VPS13B: variants seen among roughly 807,000 people sequenced by gnomAD.
VPS13B encodes the protein vacuolar protein sorting 13 homolog B.
In VPS13B, 285 loss-of-function variants were observed where a neutral mutation model predicts 426.4. The ratio of observed to expected loss-of-function variants is 0.67; its 90% confidence interval spans 0.61 to 0.74. The LOEUF (loss-of-function observed/expected upper bound fraction) is 0.74. Ranked by LOEUF, VPS13B falls within the 30% of genes least tolerant of loss-of-function variation. VPS13B has a pLI of 0.00. For missense variants in VPS13B, 4,537 were observed against 4,782.6 expected (o/e 0.95, Z 1.51); for synonymous variants, 1,676 against 1,676.4 (o/e 1.00, Z 0.01).
At chr8:99,624,007 ATTTTT>A (rs1165382455) in intron 33 of VPS13B, among the ~76,000 whole-genome samples, 6 of 101,100 alleles carry the variant, frequency 5.9e-5, no homozygotes, top group African/African-American at 8.8e-5. Flanking sequence ...ATATATATAT[ATTTTT>A]TTTTTTTTTT....
At position 99,397,292 on chromosome 8, in the gene VPS13B, C is replaced by A. The variant is rs192951129; in HGVS notation, c.3082+5588C>A. Among the ~76,000 whole-genome samples, 15 of 152,204 alleles carry A rather than the reference C, an allele frequency of 9.9e-5. No individual in the cohort carries two copies. In the East Asian group the frequency reaches 2.9e-3, roughly 30 times the overall value. On this transcript the variant is annotated intron_variant, in intron 21 of 61. Coordinates refer to ENST00000357162, the MANE Select transcript of VPS13B (RefSeq NM_152564.5). ...TCTTGAGTAGCTGGGACTACAGGCA[C>A]GTGCCACATGCCCAGCTAATTTTTG...
At chr8:99,499,799 A>G (rs771551407) in intron 25 of VPS13B, among the ~76,000 whole-genome samples, 14 of 152,154 alleles carry the variant, frequency 9.2e-5, no homozygotes, top group Non-Finnish European at 1.9e-4. Flanking sequence ...GTTTAACTCT[A>G]TAATTTTCTC....
At chr8:99,822,994 C>G (rs918843458) in intron 50 of VPS13B, among the ~76,000 whole-genome samples, 1 of 152,078 alleles carries the variant, frequency 6.6e-6, no homozygotes, top group Non-Finnish European at 1.5e-5. Context: ...CTGTGGGTCC[C>G]CAGACCACCC....
At chr8:99,714,160 C>T (rs938645691) in intron 36 of VPS13B, among the ~76,000 whole-genome samples, 11 of 144,736 alleles carry the variant, frequency 7.6e-5, no homozygotes, top group African/African-American at 2.8e-4. Context: ...AAAAAAAAGA[C>T]AGGCATATAC....
intron 11 of VPS13B, 135 bp from the exon 12 acceptor site, chr8:99,136,530 A>C (rs1329549228): frequency 2.5e-5 from 21 of 852,490 alleles, no homozygotes; most frequent in Non-Finnish European, 3.8e-5. Flanking sequence ...AATTCTTGGA[A>C]TAACCTCTGT....
chr8:99,583,890 G>C (rs1291668505), intron 33 of VPS13B, among the ~76,000 whole-genome samples: 4 of 152,106 alleles, frequency 2.6e-5, no homozygotes, highest in African/African-American at 9.7e-5. Context: ...TCTTGAGGTA[G>C]TCATGAATGG....
intron 19 of VPS13B, among the ~76,000 whole-genome samples, chr8:99,294,511 G>T (rs898385635): frequency 1.3e-5 from 2 of 149,876 alleles, no homozygotes; most frequent in African/African-American, 4.9e-5. Context: ...TGCACAATGT[G>T]CACATGTACC....
intron 2 of VPS13B, among the ~76,000 whole-genome samples, chr8:99,027,917 A>T (rs1842221485): frequency 6.6e-6 from 1 of 152,192 alleles, no homozygotes; most frequent in Admixed American, 6.5e-5. Context: ...GTCCCTGGGT[A>T]CTTAAGATTA....
chr8:99,722,704 T>C (rs976211411), intron 39 of VPS13B, among the ~76,000 whole-genome samples: 40 of 152,102 alleles, frequency 2.6e-4, no homozygotes, highest in Non-Finnish European at 4.0e-4. Context: ...AGATGGGGTT[T>C]CACCATGTTA....
intron 39 of VPS13B, among the ~76,000 whole-genome samples, chr8:99,725,952 G>A (rs1220983679): frequency 6.6e-6 from 1 of 152,122 alleles, no homozygotes; most frequent in Admixed American, 6.5e-5. Flanking sequence ...ATTGAGTTTA[G>A]ATGACTTTTT....
At chr8:99,260,596 T>A (rs909215539) in intron 17 of VPS13B, among the ~76,000 whole-genome samples, 5 of 152,058 alleles carry the variant, frequency 3.3e-5, no homozygotes, top group Non-Finnish European at 7.4e-5. Context: ...TGTATTAACC[T>A]ATTTGCAATA....
chr8:99,054,965 A>G (rs1408957003), intron 3 of VPS13B, among the ~76,000 whole-genome samples: 1 of 151,726 alleles, frequency 6.6e-6, no homozygotes, highest in Non-Finnish European at 1.5e-5. Flanking sequence ...AAGCCTGAAC[A>G]ACACTATTTT....
intron 19 of VPS13B, among the ~76,000 whole-genome samples, chr8:99,313,617 G>A (rs950312543): frequency 6.6e-6 from 1 of 152,158 alleles, no homozygotes; most frequent in African/African-American, 2.4e-5. Context: ...CAGGGGTCAT[G>A]GACCCACTTG....
chr8:99,391,808 T>C (rs530684395), intron 21 of VPS13B, 104 bp downstream of exon 21: 1 of 1,419,736 alleles, frequency 7.0e-7, no homozygotes, highest in African/African-American at 1.4e-5. Flanking sequence ...ATGAGACTCA[T>C]TGAGTGGAGA....
At chr8:99,427,950 T>A (rs949045088) in intron 21 of VPS13B, among the ~76,000 whole-genome samples, 1 of 151,932 alleles carries the variant, frequency 6.6e-6, no homozygotes, top group Non-Finnish European at 1.5e-5. Context: ...TATAGAGCAA[T>A]GGAACAGAAC....
At chr8:99,795,891 T>C (rs909262485) in intron 43 of VPS13B, among the ~76,000 whole-genome samples, 2 of 152,198 alleles carry the variant, frequency 1.3e-5, no homozygotes, top group Non-Finnish European at 2.9e-5. Flanking sequence ...TCAGAAGTCA[T>C]TCATTGTTTT....
intron 17 of VPS13B, among the ~76,000 whole-genome samples, chr8:99,193,695 G>A (rs1387608614): frequency 1.3e-5 from 2 of 152,058 alleles, no homozygotes; most frequent in South Asian, 2.1e-4. Context: ...TATGCTTAAA[G>A]TAACATTATT....
chr8:99,675,976 T>A (rs1830916756), intron 35 of VPS13B, among the ~76,000 whole-genome samples: 1 of 152,172 alleles, frequency 6.6e-6, no homozygotes, highest in Admixed American at 6.5e-5. Flanking sequence ...CACTCTATTT[T>A]GTTTGGTGAT....
chr8:99,802,871 T>C (rs527274090), intron 43 of VPS13B, among the ~76,000 whole-genome samples: 19 of 152,354 alleles, frequency 1.2e-4, no homozygotes, highest in Middle Eastern at 6.8e-3. Context: ...CCCAACACTC[T>C]GGCCCTGAAG....
Sources: gnomAD v4.1 joint callset for allele counts (sites outside exome capture counted in the v4.1 genomes callset) on GRCh38, gnomAD v4.1.1 for gene constraint, MANE v1.5 for transcripts, NCBI Gene and HGNC (gene_info 2026-07-23, HGNC 2026-07-21) for gene names.